Variants in CAPZB observed in about 807,000 individuals in gnomAD.
The protein encoded by CAPZB is capping actin protein of muscle Z-line subunit beta.
In CAPZB, 2 loss-of-function variants were observed where a neutral mutation model predicts 38.1. That is an observed-to-expected ratio of 0.05 (90% CI 0.02 to 0.17). The LOEUF is 0.17. CAPZB is among the 10% of genes least tolerant of loss of function. CAPZB has a pLI of 1.00. For missense variants in CAPZB, 161 were observed against 334.2 expected (o/e 0.48, Z 4.04); for synonymous variants, 107 against 127.4 (o/e 0.84, Z 1.08).
intron 2 of CAPZB, among the ~76,000 whole-genome samples, chr1:19,393,476 A>T (rs2094248867): frequency 1.3e-5 from 2 of 152,202 alleles, no homozygotes. Flanking sequence ...CAACCTGTGG[A>T]TGAGAAAACC....
At chr1:19,457,409 G>A (rs1383992185) in intron 1 of CAPZB, among the ~76,000 whole-genome samples, 2 of 152,240 alleles carry the variant, frequency 1.3e-5, no homozygotes, top group South Asian at 4.1e-4. Flanking sequence ...CGCACAGGCT[G>A]GCTCAGAGGG....
intron 2 of CAPZB, among the ~76,000 whole-genome samples, chr1:19,389,890 T>C (rs1570094835): frequency 1.3e-5 from 2 of 152,314 alleles, no homozygotes; most frequent in African/African-American, 4.8e-5. Context: ...CTAAATGCTT[T>C]GGGGATGGCT....
chr1:19,359,210 CT>C lies in CAPZB; in HGVS notation c.330-1648del, dbSNP rs57251931. Among the ~76,000 whole-genome samples the C allele has an allele frequency of 4.9e-3, 565 of 114,396 alleles. 3 individuals are homozygous for C. Among genetic ancestry groups the C allele is most frequent in the African/African-American group, 8.9e-3 (264 of 29,760 alleles). The allele number at this position is 114,396 out of a possible 152,430, so 75.0% of individuals were successfully genotyped here. A position where few individuals can be genotyped will look rare whatever the true frequency, so the allele number is the denominator to read the frequency against. On this transcript the variant is annotated intron_variant, in intron 4 of 8. Transcript: ENST00000264202. ...TGGGTATACAAGAATTCTCTGTACT[CT>C]TTTTTTTTTTTTTTTTTTTTTGCAA...
intron 2 of CAPZB, among the ~76,000 whole-genome samples, chr1:19,408,886 G>T (rs571647927): frequency 6.6e-6 from 1 of 152,308 alleles, no homozygotes; most frequent in South Asian, 2.1e-4. Context: ...TCCTATTGAA[G>T]CAGCAGGAAG....
At chr1:19,373,228 G>A (rs746312158) in intron 4 of CAPZB, among the ~76,000 whole-genome samples, 7 of 152,098 alleles carry the variant, frequency 4.6e-5, no homozygotes, top group East Asian at 1.9e-4. Context: ...GAGGACACAC[G>A]GCTCAGCCCC....
intron 3 of CAPZB, 51 bp downstream of exon 3, chr1:19,385,454 C>T (rs1458151628): frequency 2.5e-6 from 4 of 1,608,076 alleles, no homozygotes; most frequent in Non-Finnish European, 3.4e-6. Context: ...GTACCTACGG[C>T]AGCCCGCGTG....
intron 6 of CAPZB, among the ~76,000 whole-genome samples, chr1:19,352,478 T>C (rs368601812): frequency 5.9e-5 from 9 of 152,258 alleles, no homozygotes; most frequent in Admixed American, 2.0e-4. Flanking sequence ...CTTTCCCACG[T>C]CTCTGCTGTC....
chr1:19,446,902 T>C (rs1194576296), intron 1 of CAPZB, among the ~76,000 whole-genome samples: 1 of 152,216 alleles, frequency 6.6e-6, no homozygotes, highest in African/African-American at 2.4e-5. Flanking sequence ...ATCACATGAT[T>C]TCAGTCTCTA....
At chr1:19,414,029 C>T (rs544643209) in intron 2 of CAPZB, among the ~76,000 whole-genome samples, 5 of 152,344 alleles carry the variant, frequency 3.3e-5, no homozygotes, top group Admixed American at 6.5e-5. Context: ...TCATCCTTAA[C>T]GTCACCAGTC....
chr1:19,377,566 T>C (rs1266200778), intron 4 of CAPZB, among the ~76,000 whole-genome samples: 1 of 152,232 alleles, frequency 6.6e-6, no homozygotes, highest in Non-Finnish European at 1.5e-5. Context: ...ATTTTAAAGG[T>C]TCAACAGAAA....
Position 19,378,659 on chromosome 1 carries a change from GGGAA to G in CAPZB, c.216-10_216-7del. ...ACTTGTTACTCCATGGTGACCTGGAGGGAAGGAAGGAAAAGTATATACCATGAAT... is the reference window on the plus strand; with the variant it reads ...ACTTGTTACTCCATGGTGACCTGGAGGGAAGGAAAAGTATATACCATGAAT... On this transcript the variant is annotated splice_region_variant and splice_polypyrimidine_tract_variant and intron_variant, in intron 3 of 8. Transcript: ENST00000264202. 6.7e-7 allele frequency: 1 copy of G among 1,487,750 alleles called. No individual in the cohort carries two copies. The highest frequency in any genetic ancestry group is 9.4e-7 in the Non-Finnish European group (1 of 1,065,564). The allele number at this position is 1,487,750 out of a possible 1,614,324, so 92.2% of individuals were successfully genotyped here.
intron 6 of CAPZB, among the ~76,000 whole-genome samples, chr1:19,351,857 C>T (rs563114303): frequency 6.6e-6 from 1 of 152,322 alleles, no homozygotes; most frequent in East Asian, 1.9e-4. Context: ...ATCTCCGGTC[C>T]CTTCGTCTCC....
chr1:19,386,197 C>T (rs992657453), intron 2 of CAPZB, among the ~76,000 whole-genome samples: 2 of 152,234 alleles, frequency 1.3e-5, no homozygotes, highest in African/African-American at 4.8e-5. Flanking sequence ...CCAGTGGGCT[C>T]ACCTCCGGCT....
At chr1:19,394,496 G>A (rs1020817045) in intron 2 of CAPZB, among the ~76,000 whole-genome samples, 5 of 152,156 alleles carry the variant, frequency 3.3e-5, no homozygotes, top group African/African-American at 4.8e-5. Flanking sequence ...TGAGGTGGGC[G>A]GATCACCTGA....
intron 2 of CAPZB, among the ~76,000 whole-genome samples, chr1:19,415,427 T>C (rs961633866): frequency 2.0e-5 from 3 of 152,220 alleles, no homozygotes; most frequent in Non-Finnish European, 4.4e-5. Flanking sequence ...AAACTAAAAC[T>C]GCATGTGAAC....
At chr1:19,484,596 C>T (rs1039940286) in intron 1 of CAPZB, 1 of 1,219,128 alleles carries the variant, frequency 8.2e-7, no homozygotes, top group Non-Finnish European at 1.0e-6. Context: ...CCGGGACCAC[C>T]CCATCCCTGA....
intron 4 of CAPZB, among the ~76,000 whole-genome samples, chr1:19,367,426 G>A (rs1169254976): frequency 6.6e-6 from 1 of 152,210 alleles, no homozygotes; most frequent in Non-Finnish European, 1.5e-5. Context: ...CCCTGGAAGT[G>A]TCCGTCAGAA....
At chr1:19,382,745 T>C (rs1172713446) in intron 3 of CAPZB, among the ~76,000 whole-genome samples, 1 of 152,184 alleles carries the variant, frequency 6.6e-6, no homozygotes. Flanking sequence ...GATCCCGTCC[T>C]TCCACCAGCT....
In CAPZB at chr1:19,419,735, C is replaced by G; in HGVS notation, c.19G>C (p.Asp7His). The change falls in exon 2 of 9, where the codon GAC becomes CAC. Residue 7 changes from aspartate to histidine, a missense_variant. Physicochemically the swap from Asp to His is moderately conservative, Grantham distance 81 (BLOSUM62 -1). Transcript: ENST00000264202. ...CGCCTCATTAGGTCCAAGGCACAGT[C>G]CAGCTGCTGATCACTCTGTGGAGGG... is the stretch of plus-strand genomic sequence containing the variant. MSDQQL[D>H]CALDLMRRLP... The G allele has an allele frequency of 6.3e-7, 1 of 1,582,944 alleles. No homozygotes were observed. The highest frequency in any genetic ancestry group is 1.7e-5 in the Admixed American group (1 of 57,192).
Sources: gnomAD v4.1 joint callset for allele counts (sites outside exome capture counted in the v4.1 genomes callset) on GRCh38, gnomAD v4.1.1 for gene constraint, MANE v1.5 for transcripts, NCBI Gene and HGNC (gene_info 2026-07-23, HGNC 2026-07-21) for gene names.